The following LAMA3 variants were observed in gnomAD, a reference collection of about 807,000 sequenced individuals.
LAMA3 encodes laminin subunit alpha 3.
Under a neutral mutation model 402.0 loss-of-function variants are expected in LAMA3, and 281 were observed. The observed-to-expected ratio is 0.70, with a 90% CI of 0.63 to 0.77. LAMA3 has a LOEUF of 0.77. Among genes scored for constraint, LAMA3 ranks in the 30% least tolerant of loss-of-function variants. The pLI is 0.00. For missense variants in LAMA3, 3,840 were observed against 4,215.5 expected (o/e 0.91, Z 2.47); for synonymous variants, 1,431 against 1,558.4 (o/e 0.92, Z 1.93).
chr18:23,746,068 A>C (rs913525733), intron 2 of LAMA3, among the ~76,000 whole-genome samples: 1 of 152,224 alleles, frequency 6.6e-6, no homozygotes, highest in Non-Finnish European at 1.5e-5. Context: ...CTACGTTTAG[A>C]GTATTGCTTT....
chr18:23,753,138 T>A (rs913698323), intron 5 of LAMA3, among the ~76,000 whole-genome samples: 9 of 152,242 alleles, frequency 5.9e-5, no homozygotes, highest in African/African-American at 2.2e-4. Flanking sequence ...CTGAGCTGGC[T>A]CTGTCTGGCC....
intron 2 of LAMA3, among the ~76,000 whole-genome samples, chr18:23,720,538 G>A (rs1284337145): frequency 1.3e-5 from 2 of 151,996 alleles, no homozygotes; most frequent in Admixed American, 1.3e-4. Context: ...TGTATTTTTA[G>A]TGTGATGGGG....
intron 9 of LAMA3, among the ~76,000 whole-genome samples, chr18:23,775,036 A>G (rs55746698): frequency 0.021 from 3,164 of 152,316 alleles, 116 homozygotes; most frequent in African/African-American, 0.072. Context: ...AAGGATCAGT[A>G]GGACACATGA....
At position 23,754,468 on chromosome 18, in the gene LAMA3, C is replaced by T. The variant is rs113747451; in HGVS notation, c.947+656C>T. 8.3e-3 allele frequency among the ~76,000 whole-genome samples: 1,264 copies of T among 152,302 alleles called. 16 individuals carry two copies. The highest frequency in any genetic ancestry group is 0.029 in the African/African-American group (1,206 of 41,568). On this transcript the variant is annotated intron_variant, in intron 6 of 74. Coordinates refer to ENST00000313654, the MANE Select transcript of LAMA3 (RefSeq NM_198129.4). ...TCATCACTTATTTCACTTAGCATAA[C>T]GTCCTCAAGGTTCATCCATATTGAG...
intron 67 of LAMA3, among the ~76,000 whole-genome samples, chr18:23,934,220 T>C (rs555361948): frequency 6.6e-6 from 1 of 152,270 alleles, no homozygotes; most frequent in Non-Finnish European, 1.5e-5. Context: ...ACATTTCTGC[T>C]GTGTCCCCAG....
intron 68 of LAMA3, 141 bp downstream of exon 68, chr18:23,939,527 C>G (rs546237614): frequency 1.9e-5 from 17 of 908,290 alleles, no homozygotes; most frequent in Middle Eastern, 6.2e-4. Flanking sequence ...GAGGTGCTGG[C>G]CTGCACAGGA....
chr18:23,780,711 A>G (rs938479751), intron 11 of LAMA3, among the ~76,000 whole-genome samples: 1 of 152,212 alleles, frequency 6.6e-6, no homozygotes, highest in Non-Finnish European at 1.5e-5. Flanking sequence ...AGCAGGTGAC[A>G]GGAAAGCATC....
intron 1 of LAMA3, among the ~76,000 whole-genome samples, chr18:23,708,206 C>T (rs1013879406): frequency 6.6e-6 from 1 of 152,166 alleles, no homozygotes; most frequent in Admixed American, 6.5e-5. Context: ...TTCTTAAATG[C>T]ATGGGCTGCC....
intron 12 of LAMA3, among the ~76,000 whole-genome samples, chr18:23,795,065 C>T (rs969393284): frequency 6.6e-6 from 1 of 152,216 alleles, no homozygotes; most frequent in African/African-American, 2.4e-5. Flanking sequence ...CCCACAACCT[C>T]TGTCAAGTGG....
intron 14 of LAMA3, among the ~76,000 whole-genome samples, chr18:23,813,922 A>C (rs2063126909): frequency 6.6e-6 from 1 of 152,214 alleles, no homozygotes; most frequent in South Asian, 2.1e-4. Context: ...ACTTCCAGGC[A>C]CAGAATGGAT....
In LAMA3 at chr18:23,915,503, G is replaced by A. The variant is rs541429841; in HGVS notation, c.7778+81G>A. The stretch of plus-strand genomic sequence containing the variant: ...TACTTTTACATATGATAAAGGATGG[G>A]CCAGTGAGATGCTATTGATGTTGCT... On this transcript the variant is annotated intron_variant, in intron 59 of 74. Coordinates refer to ENST00000313654, the MANE Select transcript of LAMA3 (RefSeq NM_198129.4). 3 of 1,350,782 alleles carry A rather than the reference G, an allele frequency of 2.2e-6. No individual in the cohort carries two copies. The Admixed American group carries it at 5.0e-5, about 23-fold the overall frequency. 83.7% of individuals were successfully genotyped at this position (1,350,782 alleles called of 1,614,324 possible).
chr18:23,948,055 G>A (rs1019057810), intron 70 of LAMA3, among the ~76,000 whole-genome samples: 12 of 152,180 alleles, frequency 7.9e-5, no homozygotes, highest in Non-Finnish European at 1.3e-4. Context: ...CTCGTGATCT[G>A]CCCTCCTCGG....
At chr18:23,771,449 G>GT (rs2062196696) in intron 8 of LAMA3, among the ~76,000 whole-genome samples, 1 of 152,174 alleles carries the variant, frequency 6.6e-6, no homozygotes, top group Non-Finnish European at 1.5e-5. Context: ...GAACTTTGGG[G>GT]TAATGATATT....
intron 38 of LAMA3, among the ~76,000 whole-genome samples, chr18:23,874,924 C>T (rs1053953209): frequency 2.6e-5 from 4 of 152,104 alleles, no homozygotes; most frequent in Admixed American, 1.3e-4. Context: ...AGTGTGGTGG[C>T]GCAGTCGTGG....
At chr18:23,947,960 T>C (rs1178153151) in intron 70 of LAMA3, among the ~76,000 whole-genome samples, 2 of 151,966 alleles carry the variant, frequency 1.3e-5, no homozygotes, top group Non-Finnish European at 2.9e-5. Flanking sequence ...TACAGGCGCC[T>C]GCCACCATGC....
chr18:23,702,932 C>G (rs1427478189), intron 1 of LAMA3, among the ~76,000 whole-genome samples: 5 of 152,194 alleles, frequency 3.3e-5, no homozygotes, highest in African/African-American at 1.2e-4. Context: ...ATGCTTGTGT[C>G]TACCTTGTAG....
In LAMA3 at chr18:23,780,035, C is replaced by A. The variant is rs570471265; in HGVS notation, c.1468+2416C>A. On this transcript the variant is annotated intron_variant, in intron 11 of 74. Coordinates refer to ENST00000313654, the MANE Select transcript of LAMA3 (RefSeq NM_198129.4). ...CCGCTAAGACTCAGAGAGGGCCAGG[C>A]ACATTCTGATAGCTCAGTTTGGAGG... 1.8e-4 allele frequency among the ~76,000 whole-genome samples: 28 copies of A among 152,326 alleles called. No homozygotes were observed. In the South Asian group the frequency reaches 5.6e-3, roughly 30 times the overall value.
At chr18:23,857,111 G>A (rs975711875) in intron 32 of LAMA3, among the ~76,000 whole-genome samples, 3 of 152,188 alleles carry the variant, frequency 2.0e-5, no homozygotes, top group African/African-American at 7.2e-5. Flanking sequence ...CAGCTACCGT[G>A]TTCTGTCCCT....
rs1204682118 is a variant in LAMA3 at position 23,775,781 on chromosome 18, A to G, written c.1274-11A>G. On this transcript the variant is annotated splice_polypyrimidine_tract_variant and intron_variant, in intron 9 of 74. Coordinates refer to ENST00000313654, the MANE Select transcript of LAMA3 (RefSeq NM_198129.4). ...AAGGACGGATCCTTTGAAAACTGGG[A>G]TTTCTCTTAGCCTGCAGCTGTGACC... 3.1e-6 allele frequency: 5 copies of G among 1,613,810 alleles called. No individual in the cohort carries two copies. Among genetic ancestry groups the G allele is most frequent in the Admixed American group, 3.3e-5 (2 of 59,994 alleles).
Sources: gnomAD v4.1 joint callset for allele counts (sites outside exome capture counted in the v4.1 genomes callset) on GRCh38, gnomAD v4.1.1 for gene constraint, MANE v1.5 for transcripts, NCBI Gene and HGNC (gene_info 2026-07-23, HGNC 2026-07-21) for gene names.